The following PDE6A variants were observed in gnomAD, a reference collection of about 807,000 sequenced individuals.
The protein encoded by PDE6A is phosphodiesterase 6A.
PDE6A carries 84 observed loss-of-function variants against 106.3 expected under a neutral mutation model. That is an observed-to-expected ratio of 0.79 (90% CI 0.66 to 0.95). The LOEUF (loss-of-function observed/expected upper bound fraction) is 0.95, where lower values mean the gene tolerates loss of function less well. PDE6A is among the 40% of genes least tolerant of loss of function. PDE6A has a pLI of 0.00. For synonymous variants in PDE6A, 394 were observed against 386.6 expected (o/e 1.02, Z -0.23); for missense variants, 1,052 against 1,084.9 (o/e 0.97, Z 0.43).
In PDE6A at chr5:149,862,048, G is replaced by A. The variant is rs376089180; in HGVS notation, c.2506+1071C>T. On this transcript the variant is annotated intron_variant, in intron 21 of 21. Coordinates refer to ENST00000255266, the MANE Select transcript of PDE6A (RefSeq NM_000440.3). ...AGCTGCCCATTTAGAATCAACCCAC[G>A]CTGCCCAGAGCAGAGCTGAGGCCCT... Among the ~76,000 whole-genome samples, 38 of 152,238 alleles carry A rather than the reference G, an allele frequency of 2.5e-4. 1 individual carries two copies. In the South Asian group the frequency reaches 7.1e-3, roughly 28 times the overall value.
intron 6 of PDE6A, among the ~76,000 whole-genome samples, chr5:149,914,379 A>G (rs1753487139): frequency 6.6e-6 from 1 of 152,188 alleles, no homozygotes; most frequent in East Asian, 1.9e-4. Context: ...TTGGAAGTTG[A>G]TAATGTACCT....
intron 21 of PDE6A, 92 bp from the exon 22 acceptor site, chr5:149,861,063 C>CA: frequency 8.9e-7 from 1 of 1,126,930 alleles, no homozygotes; most frequent in South Asian, 1.3e-5. Context: ...GTTGCAAACT[C>CA]AAAGGCTTTC....
intron 5 of PDE6A, among the ~76,000 whole-genome samples, chr5:149,920,928 G>GAA (rs1753684443): frequency 8.8e-6 from 1 of 114,224 alleles, no homozygotes; most frequent in African/African-American, 3.4e-5. Context: ...AAAGAAGAAA[G>GAA]AGAGAAAGAG....
intron 4 of PDE6A, among the ~76,000 whole-genome samples, chr5:149,930,244 G>C (rs544673541): frequency 2.1e-4 from 32 of 152,342 alleles, no homozygotes; most frequent in Admixed American, 9.2e-4. Flanking sequence ...ATATCCAAGG[G>C]CTTTTCCAAC....
chr5:149,918,019 G>A (rs1753604992), intron 5 of PDE6A, among the ~76,000 whole-genome samples: 2 of 152,170 alleles, frequency 1.3e-5, no homozygotes, highest in African/African-American at 4.8e-5. Context: ...GACAATGGGG[G>A]AGAAAGAAAA....
At chr5:149,867,238 C>T (rs1047674747) in intron 19 of PDE6A, 4 of 216,696 alleles carry the variant, frequency 1.8e-5, no homozygotes, top group East Asian at 1.1e-4. Context: ...TCCCCAACTG[C>T]GCATCTCCAT....
In PDE6A at chr5:149,886,266, T is replaced by C; in HGVS notation, c.1837A>G (p.Lys613Glu). The change falls in exon 14 of 22, where the codon AAA becomes GAA. Residue 613 changes from lysine (K) to glutamate (E), a missense_variant and splice_region_variant. Around this residue, in one of 3 missense-constraint regions of PDE6A, gnomAD observed 913 missense variants for 915.2 expected, o/e 1.00. Coordinates refer to ENST00000255266, the MANE Select transcript of PDE6A (RefSeq NM_000440.3). ...HRGTNNLYQMKSQNPLAKLHG... is the reference protein window; with the variant it reads ...HRGTNNLYQMESQNPLAKLHG... ...GTGTGGGGAGGGAGGCTGACTCACT[T>C]CATCTGGTAGAGGTTATTGGTGCCT... is the stretch of plus-strand genomic sequence containing the variant. 6.2e-7 allele frequency: 1 copy of C among 1,609,044 alleles called. No individual in the cohort carries two copies. The highest frequency in any genetic ancestry group is 8.5e-7 in the Non-Finnish European group (1 of 1,175,388).
At chr5:149,916,388 A>G (rs1561763666) in intron 5 of PDE6A, among the ~76,000 whole-genome samples, 1 of 152,066 alleles carries the variant, frequency 6.6e-6, no homozygotes, top group Admixed American at 6.5e-5. Flanking sequence ...ATCACAGCCA[A>G]CCAGCCATCC....
intron 13 of PDE6A, among the ~76,000 whole-genome samples, chr5:149,891,381 A>G (rs1752539492): frequency 6.6e-6 from 1 of 152,126 alleles, no homozygotes; most frequent in African/African-American, 2.4e-5. Context: ...GAGGCAGAAG[A>G]ATCACTTGAA....
At chr5:149,887,777 C>G (rs542221866) in intron 13 of PDE6A, among the ~76,000 whole-genome samples, 1 of 152,032 alleles carries the variant, frequency 6.6e-6, no homozygotes, top group Non-Finnish European at 1.5e-5. Flanking sequence ...AAAGCAAAAC[C>G]GCCTCATCAT....
At chr5:149,881,493 G>T (rs1760920593) in intron 17 of PDE6A, among the ~76,000 whole-genome samples, 1 of 152,178 alleles carries the variant, frequency 6.6e-6, no homozygotes, top group African/African-American at 2.4e-5. Flanking sequence ...ATTAACACAA[G>T]AATGGAAAAC....
chr5:149,938,628 T>G (rs1044930860), intron 1 of PDE6A, among the ~76,000 whole-genome samples: 7 of 152,208 alleles, frequency 4.6e-5, no homozygotes, highest in Admixed American at 3.9e-4. Flanking sequence ...GAATGGCAAG[T>G]GGGCCTTCCC....
At chr5:149,926,750 TG>T (rs1377930044) in intron 4 of PDE6A, among the ~76,000 whole-genome samples, 1 of 151,754 alleles carries the variant, frequency 6.6e-6, no homozygotes, top group African/African-American at 2.4e-5. Context: ...GAGACTGAGG[TG>T]GGTGGATCAC....
Position 149,934,021 on chromosome 5 carries a change from TA to T in PDE6A, c.628-3del. On this transcript the variant is annotated splice_polypyrimidine_tract_variant and splice_region_variant and intron_variant, in intron 2 of 21. Coordinates refer to ENST00000255266, the MANE Select transcript of PDE6A (RefSeq NM_000440.3). ...AAAATTGAGGTACTTGAGAAGAATC[TA>T]AAAATCAAACAGCATGAGGGGAGGC... 1 of 1,586,676 alleles carries T rather than the reference TA, an allele frequency of 6.3e-7. No homozygotes were observed. Among genetic ancestry groups the T allele is most frequent in the Non-Finnish European group, 8.7e-7 (1 of 1,155,460 alleles).
chr5:149,885,317 A>G (rs776344044), intron 14 of PDE6A, among the ~76,000 whole-genome samples: 8 of 152,260 alleles, frequency 5.3e-5, no homozygotes, highest in Non-Finnish European at 1.0e-4. Context: ...ACTCAGCAGC[A>G]TGAATTCAGA....
intron 16 of PDE6A, among the ~76,000 whole-genome samples, 179 bp downstream of exon 16, chr5:149,884,290 GTATATATGTA>G (rs1251116573): frequency 7.4e-5 from 10 of 134,274 alleles, no homozygotes; most frequent in African/African-American, 2.5e-4. Context: ...GTATATATGT[GTATATATGTA>G]TATATGTGTA....
intron 4 of PDE6A, among the ~76,000 whole-genome samples, chr5:149,925,910 A>C (rs1581205671): frequency 6.6e-6 from 1 of 152,124 alleles, no homozygotes; most frequent in East Asian, 1.9e-4. Flanking sequence ...AAACATACTG[A>C]AATTAAGACA....
At position 149,860,868 on chromosome 5, in the gene PDE6A, C is replaced by T. The variant is rs370783371; in HGVS notation, c.*27G>A. ...ATCTCTTCCCAGGAAAGGGTGGTGC[C>T]GTCCAGCCAGCACATCCCCAGTGGT... is the stretch of plus-strand genomic sequence containing the variant. On this transcript the variant is annotated 3_prime_UTR_variant, in exon 22 of 22. Transcript: ENST00000255266. 1.5e-5 allele frequency: 24 copies of T among 1,587,440 alleles called. No homozygotes were observed. Among genetic ancestry groups the T allele is most frequent in the East Asian group, 2.2e-5 (1 of 44,724 alleles).
chr5:149,873,332 CTT>C (rs527562371), intron 17 of PDE6A, among the ~76,000 whole-genome samples: 31 of 137,248 alleles, frequency 2.3e-4, no homozygotes, highest in Middle Eastern at 3.6e-3. Flanking sequence ...ATGAGATACT[CTT>C]TTTTTTTTTT....
Sources: allele counts gnomAD v4.1 joint callset (sites outside exome capture counted in the v4.1 genomes callset), GRCh38; gene constraint gnomAD v4.1.1; regional missense constraint gnomAD v4.1.1; transcripts MANE v1.5; gene names NCBI Gene and HGNC (gene_info 2026-07-23, HGNC 2026-07-21).